Variants in NEK10 observed in about 807,000 individuals in gnomAD.
NEK10 encodes serine/threonine-protein kinase Nek10.
In NEK10, 122 loss-of-function variants were observed where a neutral mutation model predicts 159.8. That is an observed-to-expected ratio of 0.76 (90% CI 0.66 to 0.89). The LOEUF (loss-of-function observed/expected upper bound fraction) is 0.89. Among genes scored for constraint, NEK10 ranks in the 40% least tolerant of loss-of-function variants. The pLI, the probability that NEK10 is intolerant of heterozygous loss-of-function variation, is 0.00. For missense variants in NEK10, 1,342 were observed against 1,323.1 expected (o/e 1.01, Z -0.22); for synonymous variants, 466 against 457.1 (o/e 1.02, Z -0.25).
At chr3:27,366,930 C>T (rs1176929900) in intron 1 of NEK10, among the ~76,000 whole-genome samples, 2 of 151,492 alleles carry the variant, frequency 1.3e-5, no homozygotes, top group Non-Finnish European at 2.9e-5. Flanking sequence ...CCTGCTTCAG[C>T]CTCCCAAGTA....
intron 26 of NEK10, among the ~76,000 whole-genome samples, chr3:27,179,182 G>T (rs1947817870): frequency 6.6e-6 from 1 of 152,030 alleles, no homozygotes; most frequent in Non-Finnish European, 1.5e-5. Flanking sequence ...ATCTAAACCA[G>T]AAAAACTGGT....
At chr3:27,193,106 T>C (rs1394406219) in intron 25 of NEK10, among the ~76,000 whole-genome samples, 1 of 152,218 alleles carries the variant, frequency 6.6e-6, no homozygotes, top group Non-Finnish European at 1.5e-5. Context: ...GCACATGCAT[T>C]GTAAAATTTC....
At chr3:27,350,606 C>A (rs2047899177) in intron 3 of NEK10, among the ~76,000 whole-genome samples, 1 of 152,008 alleles carries the variant, frequency 6.6e-6, no homozygotes, top group Non-Finnish European at 1.5e-5. Context: ...ATAACTCAAG[C>A]ATTACAAATA....
chr3:27,163,107 T>TA lies in NEK10; in HGVS notation c.2832-370dup, dbSNP rs1207025656. ...TTTCTATGATTTGTCCCTGCTCTAT[T>TA]AAAAAAACAAAAAAAACCTTATACC... On this transcript the variant is annotated intron_variant, in intron 29 of 35. Coordinates refer to ENST00000691995, the MANE Select transcript of NEK10 (RefSeq NM_001394966.1). Among the ~76,000 whole-genome samples the TA allele has an allele frequency of 1.3e-4, 16 of 126,272 alleles. No homozygotes were observed. The East Asian group carries it at 1.4e-3, about 11-fold the overall frequency. 82.8% of individuals were successfully genotyped at this position (126,272 alleles called of 152,430 possible). A position where few individuals can be genotyped will look rare whatever the true frequency, so the allele number is the denominator to read the frequency against.
At chr3:27,158,747 T>C (rs1352784563) in intron 30 of NEK10, among the ~76,000 whole-genome samples, 2 of 152,172 alleles carry the variant, frequency 1.3e-5, no homozygotes, top group Non-Finnish European at 2.9e-5. Context: ...TTAGTTGACA[T>C]TATATTTGCA....
chr3:27,312,807 G>T (rs1365333656), intron 7 of NEK10, among the ~76,000 whole-genome samples: 1 of 151,836 alleles, frequency 6.6e-6, no homozygotes, highest in Admixed American at 6.6e-5. Flanking sequence ...ATTAAATGAG[G>T]TACACCTCTA....
rs1054030595 is a variant in NEK10, at chr3:27,121,993, T to C, written c.3082-2125A>G. Among the ~76,000 whole-genome samples the C allele has an allele frequency of 1.4e-4, 21 of 152,316 alleles. 1 individual carries two copies. The highest frequency in any genetic ancestry group is 8.3e-4 in the South Asian group (4 of 4,826). On this transcript the variant is annotated intron_variant, in intron 32 of 35. Coordinates refer to ENST00000691995, the MANE Select transcript of NEK10 (RefSeq NM_001394966.1). ...ATTAAAAATTAATTTTTTCCATCAA[T>C]GGACTTTGGATATTGTAAATACAAA... is the stretch of plus-strand genomic sequence containing the variant.
rs192405492 is a variant in NEK10, at chr3:27,208,822, C to G, written c.2091-6265G>C. Among the ~76,000 whole-genome samples the G allele has an allele frequency of 1.6e-3, 248 of 152,308 alleles. 1 individual carries two copies. Among genetic ancestry groups the G allele is most frequent in the African/African-American group, 5.7e-3 (237 of 41,558 alleles). ...CCAGATGTGAAGAGTCTCTCAAAACCTTATCCTCAGAGCATGTGCTGTCTA... is the reference window on the plus strand; with the variant it reads ...CCAGATGTGAAGAGTCTCTCAAAACGTTATCCTCAGAGCATGTGCTGTCTA... On this transcript the variant is annotated intron_variant, in intron 23 of 35. Coordinates refer to ENST00000691995, the MANE Select transcript of NEK10 (RefSeq NM_001394966.1).
intron 33 of NEK10, among the ~76,000 whole-genome samples, chr3:27,117,905 T>TG (rs1316048663): frequency 6.6e-6 from 1 of 152,226 alleles, no homozygotes; most frequent in Non-Finnish European, 1.5e-5. Flanking sequence ...GCCTATGTCC[T>TG]GAATGGTATT....
chr3:27,190,971 AATTACATCTAGGC>A (rs1271182003), intron 26 of NEK10, among the ~76,000 whole-genome samples: 9 of 152,224 alleles, frequency 5.9e-5, no homozygotes, highest in Non-Finnish European at 1.2e-4. Context: ...TGTTCTGCAA[AATTACATCTAGGC>A]TCAGCATTTA....
At chr3:27,263,292 C>T (rs953458472) in intron 22 of NEK10, among the ~76,000 whole-genome samples, 11 of 152,182 alleles carry the variant, frequency 7.2e-5, no homozygotes, top group African/African-American at 1.9e-4. Context: ...ACAGTCTGTC[C>T]GTTCTCAGAT....
chr3:27,196,243 C>T (rs1260575638), intron 25 of NEK10, among the ~76,000 whole-genome samples: 1 of 152,126 alleles, frequency 6.6e-6, no homozygotes, highest in African/African-American at 2.4e-5. Flanking sequence ...AGTCAAGTAC[C>T]CCCTGCCTGC....
intron 22 of NEK10, among the ~76,000 whole-genome samples, chr3:27,276,809 G>T (rs773681769): frequency 6.6e-6 from 1 of 152,044 alleles, no homozygotes; most frequent in Non-Finnish European, 1.5e-5. Context: ...TTCTGTCATT[G>T]GAAAAACCCA....
In NEK10 at chr3:27,277,872, C is replaced by T. The variant is rs563885473; in HGVS notation, c.2014+6730G>A. On this transcript the variant is annotated intron_variant, in intron 22 of 35. Transcript: ENST00000691995. ...TTTTAAGAGCCACGGCATGGTTTCC[C>T]ATGTTCTGTCTTTCCTGCCTCTGGG... Among the ~76,000 whole-genome samples, 5 of 152,276 alleles carry T rather than the reference C, an allele frequency of 3.3e-5. No individual in the cohort carries two copies. The South Asian group carries it at 1.0e-3, about 32-fold the overall frequency.
At chr3:27,311,665 A>G in intron 8 of NEK10, 1 of 190,528 alleles carries the variant, frequency 5.2e-6, no homozygotes. Flanking sequence ...TCACACTCAC[A>G]GTCCAATGTT....
chr3:27,322,328 A>G (rs1276274198), intron 5 of NEK10, 67 bp from the exon 6 acceptor site: 1 of 919,636 alleles, frequency 1.1e-6, no homozygotes, highest in Non-Finnish European at 1.7e-6. Flanking sequence ...ATAAAAATGC[A>G]AGGCTATGAA....
intron 35 of NEK10, among the ~76,000 whole-genome samples, chr3:27,112,504 A>G (rs2125398744): frequency 6.6e-6 from 1 of 152,352 alleles, no homozygotes; most frequent in East Asian, 1.9e-4. Flanking sequence ...GACCATGTCA[A>G]TGAGAACAAC....
intron 24 of NEK10, 58 bp downstream of exon 24, chr3:27,202,370 A>C (rs1950129309): frequency 1.3e-6 from 2 of 1,510,318 alleles, no homozygotes; most frequent in East Asian, 2.3e-5. Context: ...CTGTTTAATA[A>C]GAAAAAGAAT....
intron 23 of NEK10, among the ~76,000 whole-genome samples, chr3:27,254,774 A>G: frequency 6.6e-6 from 1 of 152,208 alleles, no homozygotes; most frequent in African/African-American, 2.4e-5. Flanking sequence ...TAGCTTATCT[A>G]TATGAGTAGG....
Sources: allele counts gnomAD v4.1 joint callset (sites outside exome capture counted in the v4.1 genomes callset), GRCh38; gene constraint gnomAD v4.1.1; transcripts MANE v1.5; gene names NCBI Gene and HGNC (gene_info 2026-07-23, HGNC 2026-07-21).